Variants in PTPRB observed in about 807,000 individuals in gnomAD.
PTPRB encodes the protein receptor-type tyrosine-protein phosphatase beta.
PTPRB carries 97 observed loss-of-function variants against 238.1 expected under a neutral mutation model. The ratio of observed to expected loss-of-function variants is 0.41; its 90% CI spans 0.35 to 0.48. The LOEUF is 0.48. Ranked by LOEUF, PTPRB falls within the 20% of genes least tolerant of loss-of-function variation. The pLI, the probability that PTPRB is intolerant of heterozygous loss-of-function variation, is 0.30. For synonymous variants in PTPRB, 970 were observed against 995.4 expected (o/e 0.97, Z 0.48); for missense variants, 2,292 against 2,681.9 (o/e 0.85, Z 3.21).
intron 22 of PTPRB, chr12:70,542,437 G>C (rs1875283506): frequency 6.6e-6 from 1 of 152,122 alleles, no homozygotes; most frequent in African/African-American, 2.4e-5. Flanking sequence ...AATTAGCCGG[G>C]TGTGGTGGCG....
intron 3 of PTPRB, among the ~76,000 whole-genome samples, chr12:70,611,978 C>G (rs2717433): frequency 1.3e-5 from 2 of 152,014 alleles, no homozygotes; most frequent in Non-Finnish European, 2.9e-5. Flanking sequence ...TTTATAGGAG[C>G]CTTTTCCCAG....
At chr12:70,538,133 T>A in intron 28 of PTPRB, 22 bp downstream of exon 28, 1 of 1,599,808 alleles carries the variant, frequency 6.3e-7, no homozygotes, top group South Asian at 1.1e-5. Context: ...TCCTGAACAC[T>A]ATGGCCTAGT....
intron 2 of PTPRB, among the ~76,000 whole-genome samples, chr12:70,627,749 G>C (rs1885270369): frequency 6.6e-6 from 1 of 151,978 alleles, no homozygotes; most frequent in Non-Finnish European, 1.5e-5. Context: ...ATTTAAAAAT[G>C]GTCCACTACA....
rs1055644134 is a variant in PTPRB at position 70,611,669 on chromosome 12, C to G, written c.709-2330G>C. Among the ~76,000 whole-genome samples the G allele has an allele frequency of 7.2e-5, 11 of 152,278 alleles. No individual in the cohort carries two copies. The South Asian group carries it at 8.3e-4, about 11-fold the overall frequency. ...ATGAAAAAACGAAGTTTCTTCCCCT[C>G]GAGAGATTCTACAGACTTTTAATCT... is the stretch of plus-strand genomic sequence containing the variant. On this transcript the variant is annotated intron_variant, in intron 3 of 33. Coordinates refer to ENST00000334414, the MANE Select transcript of PTPRB (RefSeq NM_001109754.4).
At chr12:70,562,294 AT>A (rs146346173) in intron 16 of PTPRB, among the ~76,000 whole-genome samples, 9 of 151,000 alleles carry the variant, frequency 6.0e-5, no homozygotes, top group African/African-American at 1.7e-4. Flanking sequence ...CCCCCAAAAC[AT>A]TTTTTTTTGA....
At chr12:70,521,712 C>G (rs917302495) in intron 33 of PTPRB, among the ~76,000 whole-genome samples, 1 of 152,142 alleles carries the variant, frequency 6.6e-6, no homozygotes, top group African/African-American at 2.4e-5. Context: ...GTGATTCTAG[C>G]CCATCGCCTC....
At chr12:70,523,960 G>A (rs1213606317) in intron 33 of PTPRB, among the ~76,000 whole-genome samples, 13 of 151,440 alleles carry the variant, frequency 8.6e-5, no homozygotes, top group Admixed American at 8.5e-4. Flanking sequence ...TTACAGGCGT[G>A]AGCCACCATG....
intron 4 of PTPRB, among the ~76,000 whole-genome samples, chr12:70,601,380 C>T (rs1883475344): frequency 6.6e-6 from 1 of 152,156 alleles, no homozygotes; most frequent in Non-Finnish European, 1.5e-5. Context: ...TCTTCATTCC[C>T]CTTGAAGCAT....
chr12:70,565,547 A>G (rs1879177024), intron 15 of PTPRB, among the ~76,000 whole-genome samples: 1 of 152,190 alleles, frequency 6.6e-6, no homozygotes, highest in South Asian at 2.1e-4. Context: ...AATGCCAGAC[A>G]TCCCTCTCTT....
At chr12:70,571,683 G>C in intron 12 of PTPRB, 141 bp downstream of exon 12, 1 of 943,588 alleles carries the variant, frequency 1.1e-6, no homozygotes, top group Non-Finnish European at 1.6e-6. Flanking sequence ...CCATGGCTTG[G>C]CTGAATGATG....
chr12:70,571,403 C>A (rs1241743245), intron 12 of PTPRB, 114 bp from the exon 13 acceptor site: 9 of 1,038,996 alleles, frequency 8.7e-6, no homozygotes, highest in Non-Finnish European at 1.1e-5. Flanking sequence ...CCCAAATAAA[C>A]CACTAGCACT....
At chr12:70,586,484 A>G (rs1881927599) in intron 9 of PTPRB, among the ~76,000 whole-genome samples, 1 of 152,182 alleles carries the variant, frequency 6.6e-6, no homozygotes, top group East Asian at 1.9e-4. Context: ...CTAATATACC[A>G]GCTGACATTG....
chr12:70,634,368 T>C (rs886224963), intron 2 of PTPRB, among the ~76,000 whole-genome samples: 3 of 152,172 alleles, frequency 2.0e-5, no homozygotes, highest in African/African-American at 4.8e-5. Context: ...TATGCACAAA[T>C]CCAGATTTCC....
intron 3 of PTPRB, among the ~76,000 whole-genome samples, chr12:70,621,311 G>C (rs1012212703): frequency 2.6e-5 from 4 of 152,186 alleles, no homozygotes; most frequent in African/African-American, 9.7e-5. Flanking sequence ...GGGGTGATGG[G>C]AGAGGAGAAG....
chr12:70,595,326 C>A (rs985012244), intron 5 of PTPRB, among the ~76,000 whole-genome samples: 2 of 152,058 alleles, frequency 1.3e-5, no homozygotes, highest in African/African-American at 2.4e-5. Context: ...GAAGGGATAG[C>A]ATTAGGAAAA....
At position 70,559,328 on chromosome 12, in the gene PTPRB, C is replaced by A. The variant is rs371912047; in HGVS notation, c.4714+15G>T. ...TACTCCATTTGAGAAATAAGAGTAGCAAAACATGTCATACTTGTCCTCACA... is the reference window on the plus strand; with the variant it reads ...TACTCCATTTGAGAAATAAGAGTAGAAAAACATGTCATACTTGTCCTCACA... On this transcript the variant is annotated intron_variant, in intron 18 of 33. Transcript: ENST00000334414. 16 of 1,598,668 alleles carry A rather than the reference C, an allele frequency of 1.0e-5. No individual in the cohort carries two copies. Among genetic ancestry groups the A allele is most frequent in the Admixed American group, 1.7e-5 (1 of 59,978 alleles).
At chr12:70,567,244 A>G (rs1158649994) in intron 14 of PTPRB, among the ~76,000 whole-genome samples, 2 of 152,202 alleles carry the variant, frequency 1.3e-5, no homozygotes, top group African/African-American at 2.4e-5. Flanking sequence ...CTCATTCTAC[A>G]TAATCTTCCT....
chr12:70,532,946 A>G (rs1292110675), intron 31 of PTPRB, among the ~76,000 whole-genome samples: 4 of 152,048 alleles, frequency 2.6e-5, no homozygotes, highest in African/African-American at 9.7e-5. Flanking sequence ...CACCCAGCTG[A>G]TCTAATTTCT....
chr12:70,549,114 C>T (rs376546924), intron 21 of PTPRB, among the ~76,000 whole-genome samples: 1 of 152,170 alleles, frequency 6.6e-6, no homozygotes, highest in Admixed American at 6.5e-5. Context: ...CCCAACAACA[C>T]GTATTGCCAG....
Sources: gnomAD v4.1 joint callset for allele counts (sites outside exome capture counted in the v4.1 genomes callset) on GRCh38, gnomAD v4.1.1 for gene constraint, MANE v1.5 for transcripts, NCBI Gene and HGNC (gene_info 2026-07-23, HGNC 2026-07-21) for gene names.